PBX4: variants seen among roughly 807,000 people sequenced by gnomAD.
PBX4 encodes PBX homeobox 4.
A neutral mutation model predicts 35.1 loss-of-function variants in PBX4; 26 were observed. The observed-to-expected ratio is 0.74, with a 90% confidence interval of 0.54 to 1.03. PBX4 has a LOEUF of 1.03. Among genes scored for constraint, PBX4 ranks in the 50% least tolerant of loss-of-function variants. The pLI is 0.00. For synonymous variants in PBX4, 199 were observed against 204.2 expected (o/e 0.97, Z 0.22); for missense variants, 448 against 504.3 (o/e 0.89, Z 1.07).
intron 1 of PBX4, among the ~76,000 whole-genome samples, chr19:19,610,257 T>C (rs1270344944): frequency 6.6e-6 from 1 of 151,426 alleles, no homozygotes; most frequent in African/African-American, 2.4e-5. Flanking sequence ...CTACTGAAAA[T>C]ACAAAATTAG....
intron 5 of PBX4, among the ~76,000 whole-genome samples, chr19:19,565,615 T>C (rs1050599965): frequency 6.6e-6 from 1 of 152,102 alleles, no homozygotes; most frequent in African/African-American, 2.4e-5. Context: ...TTTCTTAATT[T>C]TAATTAAAAA....
intron 1 of PBX4, among the ~76,000 whole-genome samples, chr19:19,604,317 CA>C (rs1253984935): frequency 1.3e-5 from 2 of 151,728 alleles, no homozygotes; most frequent in Non-Finnish European, 2.9e-5. Flanking sequence ...CTAAAAATGC[CA>C]AAAATTTGAT....
chr19:19,563,615 C>G lies in PBX4; in HGVS notation c.926G>C (p.Gly309Ala), dbSNP rs2061322175. Residue 309 changes from glycine (G) to alanine (A), a missense_variant and splice_region_variant, in exon 7 of 8, where the codon GGC (glycine) becomes GCC (alanine). Gly to Ala is a moderately conservative substitution (Grantham distance 60). Coordinates refer to ENST00000251203, the MANE Select transcript of PBX4 (RefSeq NM_025245.3). The surrounding 1 kb of genome is among the most constrained non-coding windows in gnomAD (Gnocchi z 5.1). The stretch of plus-strand genomic sequence containing the variant: ...GGGCAGCGGGAAGGGTCCAGAGGAG[C>G]CTGGAAGAGATGGGAGCCGGGGTGG... ...HASCLSTPSS[G>A]SSGPFPLPSA... The G allele has an allele frequency of 6.5e-6, 10 of 1,549,128 alleles. No individual in the cohort carries two copies. Among genetic ancestry groups the G allele is most frequent in the South Asian group, 1.2e-5 (1 of 83,992 alleles).
intron 2 of PBX4, among the ~76,000 whole-genome samples, chr19:19,589,757 G>C (rs1264050083): frequency 6.6e-6 from 1 of 152,110 alleles, no homozygotes; most frequent in Non-Finnish European, 1.5e-5. Context: ...GTGACAGAGC[G>C]AGACTCCATC....
intron 2 of PBX4, among the ~76,000 whole-genome samples, chr19:19,598,913 CTTTTTTTTTTTT>C (rs34982058): frequency 8.9e-6 from 1 of 112,592 alleles, no homozygotes; most frequent in Non-Finnish European, 1.8e-5. Flanking sequence ...CAGGAAGTGC[CTTTTTTTTTTTT>C]TTTTTTTTTG....
At position 19,615,574 on chromosome 19, in the gene PBX4, T is replaced by TATC. The variant is rs1287218080; in HGVS notation, c.119+2934_119+2936dup. ...CCAGATATTGTAAAGGTCCGATAAA[T>TATC]ATCGGCCAAATTTGTTAAAAATTCA... On this transcript the variant is annotated intron_variant, in intron 1 of 7. Transcript: ENST00000251203. Among the ~76,000 whole-genome samples, 3 of 152,148 alleles carry TATC rather than the reference T, an allele frequency of 2.0e-5. No individual in the cohort carries two copies. The East Asian group carries it at 5.8e-4, about 29-fold the overall frequency.
chr19:19,608,308 C>A (rs1231914795), intron 1 of PBX4: 6 of 150,898 alleles, frequency 4.0e-5, no homozygotes, highest in Non-Finnish European at 7.4e-5. Context: ...GAGCCAAGAT[C>A]GTGCCACTGC....
chr19:19,563,789 C>T lies in PBX4; in HGVS notation c.926-174G>A, dbSNP rs1484150726. The T allele has an allele frequency of 3.3e-6, 2 of 598,314 alleles. No homozygotes were observed. The highest frequency in any genetic ancestry group is 6.0e-6 in the Non-Finnish European group (2 of 330,878). The allele number at this position is 598,314 out of a possible 1,614,324, so 37.1% of individuals were successfully genotyped here. A position where few individuals can be genotyped will look rare whatever the true frequency, so the allele number is the denominator to read the frequency against. Reference sequence around the variant, plus strand: ...CCAGCGGGCCCTCCCCACCACACTACTCATGTCCCCTCATGGCTTGTCTTT... The same window carrying T: ...CCAGCGGGCCCTCCCCACCACACTATTCATGTCCCCTCATGGCTTGTCTTT... On this transcript the variant is annotated intron_variant, in intron 6 of 7. Transcript: ENST00000251203. The surrounding 1 kb of genome is among the most constrained non-coding windows in gnomAD (Gnocchi z 5.1).
In PBX4 at chr19:19,562,765, A is replaced by G. The variant is rs1487980364; in HGVS notation, c.1033-648T>C. On this transcript the variant is annotated intron_variant, in intron 7 of 7. Coordinates refer to ENST00000251203, the MANE Select transcript of PBX4 (RefSeq NM_025245.3). This position sits in a 1 kb window ranked among gnomAD's most constrained non-coding sequence, Gnocchi z 4.8. ...GGCACTCTGCTCTGAACTGGGGTGG[A>G]CACACAGCTGCTGGCGCGTAGTCAG... Among the ~76,000 whole-genome samples the G allele has an allele frequency of 6.6e-6, 1 of 152,170 alleles. No individual in the cohort carries two copies. The highest frequency in any genetic ancestry group is 1.5e-5 in the Non-Finnish European group (1 of 68,020).
intron 2 of PBX4, among the ~76,000 whole-genome samples, chr19:19,577,925 T>C (rs1203631424): frequency 1.4e-5 from 2 of 147,856 alleles, no homozygotes; most frequent in Non-Finnish European, 3.0e-5. Flanking sequence ...TGCCTATAAT[T>C]CCAGCACTTT....
At chr19:19,575,059 C>T (rs181382464) in intron 2 of PBX4, among the ~76,000 whole-genome samples, 41 of 151,660 alleles carry the variant, frequency 2.7e-4, no homozygotes, top group African/African-American at 8.7e-4. Context: ...GGTGAAACCC[C>T]GTCTCTAATA....
intron 1 of PBX4, among the ~76,000 whole-genome samples, chr19:19,605,440 TAATAATAAC>T (rs1465784361): frequency 2.1e-5 from 3 of 140,370 alleles, no homozygotes; most frequent in South Asian, 2.3e-4. Flanking sequence ...ATAATAATAA[TAATAATAAC>T]AATAATAATA....
At chr19:19,617,846 C>CA (rs924634982) in intron 1 of PBX4, among the ~76,000 whole-genome samples, 2 of 152,122 alleles carry the variant, frequency 1.3e-5, no homozygotes, top group African/African-American at 4.8e-5. Context: ...CCCAGCCACT[C>CA]ACTCTCCATC....
At chr19:19,597,318 C>T (rs2061567315) in intron 2 of PBX4, among the ~76,000 whole-genome samples, 1 of 152,220 alleles carries the variant, frequency 6.6e-6, no homozygotes, top group African/African-American at 2.4e-5. Context: ...TTGAATTTCT[C>T]CTTTAGTCAC....
intron 5 of PBX4, among the ~76,000 whole-genome samples, chr19:19,567,821 C>A (rs186858917): frequency 1.2e-4 from 18 of 151,766 alleles, no homozygotes; most frequent in East Asian, 7.8e-4. Flanking sequence ...GCTCACACTC[C>A]ACAGCATCCC....
chr19:19,584,625 T>G (rs938207110), intron 2 of PBX4, among the ~76,000 whole-genome samples: 8 of 142,460 alleles, frequency 5.6e-5, no homozygotes, highest in African/African-American at 2.1e-4. Flanking sequence ...AAGGGCTGGT[T>G]TTTTTTTTTT....
intron 2 of PBX4, among the ~76,000 whole-genome samples, chr19:19,582,231 C>G (rs2061459346): frequency 6.6e-6 from 1 of 152,138 alleles, no homozygotes; most frequent in South Asian, 2.1e-4. Flanking sequence ...TAGAGAAGGG[C>G]GGGGTCCCTG....
chr19:19,590,414 T>C (rs766612213), intron 2 of PBX4, among the ~76,000 whole-genome samples: 2 of 152,134 alleles, frequency 1.3e-5, no homozygotes, highest in African/African-American at 4.8e-5. Flanking sequence ...CATTCCTCTT[T>C]ATGGCTGAAT....
Position 19,563,452 on chromosome 19 carries a change from C to A in PBX4, c.1032+57G>T, listed in dbSNP as rs914286259. 8 of 1,381,556 alleles carry A rather than the reference C, an allele frequency of 5.8e-6. No homozygotes were observed. The South Asian group carries it at 9.6e-5, about 17-fold the overall frequency. The allele number at this position is 1,381,556 out of a possible 1,614,324, so 85.6% of individuals were successfully genotyped here. ...GGCCGAGGGGTGGCTGACAAGACGA[C>A]CCTTTCTGAGAACCTACCACCCACC... On this transcript the variant is annotated intron_variant, in intron 7 of 7. Transcript: ENST00000251203. This position sits in a 1 kb window ranked among gnomAD's most constrained non-coding sequence, Gnocchi z 5.1.
Sources: gnomAD v4.1 joint callset for allele counts (sites outside exome capture counted in the v4.1 genomes callset) on GRCh38, gnomAD v4.1.1 for gene constraint, Gnocchi (gnomAD v3.1) non-coding constraint, MANE v1.5 for transcripts, NCBI Gene and HGNC (gene_info 2026-07-23, HGNC 2026-07-21) for gene names.